Variants in A4GALT observed in about 807,000 individuals in gnomAD.
A4GALT encodes lactosylceramide 4-alpha-galactosyltransferase.
For synonymous variants in A4GALT, 257 were observed against 220.7 expected (o/e 1.16, Z -1.46); for missense variants, 512 against 486.0 (o/e 1.05, Z -0.50).
At chr22:42,708,658 G>GA (rs1427660428) in intron 1 of A4GALT, among the ~76,000 whole-genome samples, 2 of 151,994 alleles carry the variant, frequency 1.3e-5, no homozygotes, top group Non-Finnish European at 2.9e-5. Flanking sequence ...TGGCTTGTTG[G>GA]AAAAAAGCCA....
At chr22:42,708,646 G>A (rs559812081) in intron 1 of A4GALT, among the ~76,000 whole-genome samples, 1 of 152,092 alleles carries the variant, frequency 6.6e-6, no homozygotes, top group East Asian at 1.9e-4. Context: ...AAGGTAAAAA[G>A]CTGGCTTGTT....
intron 1 of A4GALT, among the ~76,000 whole-genome samples, chr22:42,706,287 A>G (rs7286859): frequency 0.073 from 10,342 of 141,722 alleles, 479 homozygotes; most frequent in Non-Finnish European, 0.1. Context: ...CCCGGGAGGC[A>G]GAGCTTGTAG....
chr22:42,698,078 A>G (rs1016897643), intron 1 of A4GALT, among the ~76,000 whole-genome samples: 3 of 152,060 alleles, frequency 2.0e-5, no homozygotes, highest in Non-Finnish European at 2.9e-5. Flanking sequence ...GTGAAACCCC[A>G]TCTCTACTGA....
At chr22:42,715,812 C>T (rs1922119511) in intron 1 of A4GALT, among the ~76,000 whole-genome samples, 1 of 151,552 alleles carries the variant, frequency 6.6e-6, no homozygotes, top group South Asian at 2.1e-4. Flanking sequence ...GCCACCACAC[C>T]TGGCCGGAAA....
At chr22:42,718,379 A>G (rs1922380698) in intron 1 of A4GALT, 2 of 152,190 alleles carry the variant, frequency 1.3e-5, no homozygotes, top group African/African-American at 4.8e-5. Context: ...CTCCTGCCTC[A>G]GCCTCCTGAG....
chr22:42,708,544 G>A (rs1214932536), intron 1 of A4GALT, among the ~76,000 whole-genome samples: 1 of 43,402 alleles, frequency 2.3e-5, no homozygotes, highest in African/African-American at 9.8e-5. Context: ...AGAGGAAAGA[G>A]AGAAGGAAGG....
chr22:42,695,739 C>G lies in A4GALT; in HGVS notation c.-187-108G>C, dbSNP rs570716262. Reference sequence around the variant, plus strand: ...CCTGGGGCTCATGTGTTCACTGATTCATTCACTCGCTCCACCTCTCAGGGG... The same window carrying G: ...CCTGGGGCTCATGTGTTCACTGATTGATTCACTCGCTCCACCTCTCAGGGG... On this transcript the variant is annotated intron_variant, in intron 1 of 2. Coordinates refer to ENST00000642412, the MANE Select transcript of A4GALT (RefSeq NM_017436.7). 7 of 152,368 alleles carry G rather than the reference C, an allele frequency of 4.6e-5. No homozygotes were observed. The East Asian group carries it at 1.2e-3, about 25-fold the overall frequency. The allele number at this position is 152,368 out of a possible 1,614,324, so 9.4% of individuals were successfully genotyped here.
chr22:42,693,767 G>A lies in A4GALT; in HGVS notation c.185C>T (p.Pro62Leu), dbSNP rs750985989. 10 of 1,603,636 alleles carry A rather than the reference G, an allele frequency of 6.2e-6. No individual in the cohort carries two copies. The highest frequency in any genetic ancestry group is 7.7e-6 in the Non-Finnish European group (9 of 1,175,168). Reference sequence around the variant, plus strand: ...GGGTGGGGTGGGGGGTGTCAAGGTGGGGCAGGGGATCTCTGCTGGCAGGTT... The same window carrying A: ...GGGTGGGGTGGGGGGTGTCAAGGTGAGGCAGGGGATCTCTGCTGGCAGGTT... Reference protein sequence around the residue: ...LYNLPAEIPCPTLTPPTPPSH... With the variant: ...LYNLPAEIPCLTLTPPTPPSH... Residue 62 changes from proline (P) to leucine (L), a missense_variant, in exon 3 of 3, where the codon CCC becomes CTC. By Grantham distance (98) the Pro-to-Leu change is moderately conservative (BLOSUM62 -3). Transcript: ENST00000642412.
At chr22:42,711,024 CAA>C (rs34155225) in intron 1 of A4GALT, among the ~76,000 whole-genome samples, 42 of 141,752 alleles carry the variant, frequency 3.0e-4, no homozygotes, top group Non-Finnish European at 3.8e-4. Context: ...GACTCTGTCT[CAA>C]AAAAAAAAAA....
chr22:42,706,516 C>T (rs953673131), intron 1 of A4GALT, among the ~76,000 whole-genome samples: 2 of 151,698 alleles, frequency 1.3e-5, no homozygotes, highest in African/African-American at 2.4e-5. Flanking sequence ...TAAGAACAGC[C>T]GGGTGCGGTC....
rs564087323 is a variant in A4GALT at position 42,705,915 on chromosome 22, G to A, written c.-187-10284C>T. 7.4e-5 allele frequency among the ~76,000 whole-genome samples: 9 copies of A among 121,508 alleles called. 3 individuals carry two copies. Among genetic ancestry groups the A allele is most frequent in the Middle Eastern group, 4.5e-3 (1 of 224 alleles). 79.7% of individuals were successfully genotyped at this position (121,508 alleles called of 152,430 possible). Reference sequence around the variant, plus strand: ...CTAAAAATACGAAAATTAGCCAGGCGTGGTAATGTGTGCCTGTCATCCCAG... The same window carrying A: ...CTAAAAATACGAAAATTAGCCAGGCATGGTAATGTGTGCCTGTCATCCCAG... On this transcript the variant is annotated intron_variant, in intron 1 of 2. Coordinates refer to ENST00000642412, the MANE Select transcript of A4GALT (RefSeq NM_017436.7).
intron 1 of A4GALT, among the ~76,000 whole-genome samples, chr22:42,707,957 A>G (rs1009474108): frequency 3.3e-5 from 5 of 149,336 alleles, no homozygotes; most frequent in African/African-American, 9.8e-5. Flanking sequence ...TGTCACTACA[A>G]AAAAAAAAAA....
intron 1 of A4GALT, among the ~76,000 whole-genome samples, chr22:42,719,257 CAAG>C (rs1922470222): frequency 6.6e-6 from 1 of 152,168 alleles, no homozygotes; most frequent in Non-Finnish European, 1.5e-5. Context: ...TCCTAGCAGA[CAAG>C]AAACGACAGG....
intron 1 of A4GALT, among the ~76,000 whole-genome samples, chr22:42,702,437 G>T (rs1340755549): frequency 6.6e-6 from 1 of 152,062 alleles, no homozygotes; most frequent in Non-Finnish European, 1.5e-5. Flanking sequence ...CGCCGCCCGG[G>T]TTCAAGCGAT....
rs1351742054 is a variant in A4GALT, at chr22:42,693,554, A to T, written c.398T>A (p.Leu133Gln). 6.2e-7 allele frequency: 1 copy of T among 1,613,578 alleles called. No homozygotes were observed. The highest frequency in any genetic ancestry group is 1.7e-5 in the Admixed American group (1 of 60,010). The change falls in exon 3 of 3, where the codon CTG (leucine) becomes CAG (glutamine). Residue 133 changes from leucine (L) to glutamine (Q), a missense_variant. Coordinates refer to ENST00000642412, the MANE Select transcript of A4GALT (RefSeq NM_017436.7). ...SLPRHLGISL[L>Q]SCFPNVQMLP... ...CATCTGGACATTCGGGAAGCAGCTC[A>T]GAAGTGAGATGCCCAGGTGCCGGGG...
rs777705565 is a variant in A4GALT at position 42,693,634 on chromosome 22, G to A, written c.318C>T (p.Pro106=). ...TCATCAGGACCAGCACGTGGGATTC[G>A]GGGTGAGTTCTGGCGGCCGACTCCA... ...CSVESAARTH[P]ESHVLVLMKG... is the part of the protein sequence containing the mutation. The change falls in exon 3 of 3, where the codon CCC becomes CCT. Residue 106 remains proline, a synonymous_variant. Transcript: ENST00000642412. 16 of 1,613,666 alleles carry A rather than the reference G, an allele frequency of 9.9e-6. No individual in the cohort carries two copies. Among genetic ancestry groups the A allele is most frequent in the African/African-American group, 1.3e-5 (1 of 74,966 alleles).
rs1180529043 is a variant in A4GALT at position 42,709,067 on chromosome 22, A to ATATATATATATATTT, written c.-188+11729_-188+11730insAAATATATATATATA. ...AATTTAAATATATATATATATATAT[A>ATATATATATATATTT]TTTTTTTTAAGACAGGGTCTGCTGT... On this transcript the variant is annotated intron_variant, in intron 1 of 2. Coordinates refer to ENST00000642412, the MANE Select transcript of A4GALT (RefSeq NM_017436.7). Among the ~76,000 whole-genome samples, 15 of 128,830 alleles carry ATATATATATATATTT rather than the reference A, an allele frequency of 1.2e-4. 1 individual carries two copies. The highest frequency in any genetic ancestry group is 2.8e-4 in the African/African-American group (10 of 35,596). The allele number at this position is 128,830 out of a possible 152,430, so 84.5% of individuals were successfully genotyped here.
chr22:42,693,721 G>A lies in A4GALT; in HGVS notation c.231C>T (p.Gly77=). The change falls in exon 3 of 3, where the codon GGC becomes GGT. Residue 77 remains glycine, a synonymous_variant. Transcript: ENST00000642412. ...CTGAAGTCTCCAGGAAGAAGATGTT[G>A]CCTGGAGTGGGGCCGTGGGAGGGTG... ...PTPPSHGPTP[G]NIFFLETSDR... 6.3e-7 allele frequency: 1 copy of A among 1,592,934 alleles called. No homozygotes were observed. Among genetic ancestry groups the A allele is most frequent in the Non-Finnish European group, 8.6e-7 (1 of 1,169,282 alleles).
intron 1 of A4GALT, among the ~76,000 whole-genome samples, chr22:42,717,008 G>A (rs1922247239): frequency 6.6e-6 from 1 of 152,198 alleles, no homozygotes. Context: ...TGCTCCTGCT[G>A]GAGTAGGCTT....
Sources: gnomAD v4.1 joint callset for allele counts (sites outside exome capture counted in the v4.1 genomes callset) on GRCh38, gnomAD v4.1.1 for gene constraint, MANE v1.5 for transcripts, NCBI Gene and HGNC (gene_info 2026-07-23, HGNC 2026-07-21) for gene names.